SLC26A3: variants seen among roughly 807,000 people sequenced by gnomAD.
SLC26A3 encodes chloride anion exchanger.
A neutral mutation model predicts 85.6 loss-of-function variants in SLC26A3; 64 were observed. The observed-to-expected ratio is 0.75, with a 90% confidence interval of 0.61 to 0.92. The LOEUF (loss-of-function observed/expected upper bound fraction) is 0.92, where lower values mean the gene tolerates loss of function less well. Among genes scored for constraint, SLC26A3 ranks in the 40% least tolerant of loss-of-function variants. The pLI is 0.00. For synonymous variants in SLC26A3, 349 were observed against 336.0 expected, an observed-to-expected ratio of 1.04 and a Z score of -0.42; for missense variants, 922 against 927.3, an observed-to-expected ratio of 0.99 and a Z score of 0.07.
intron 11 of SLC26A3, among the ~76,000 whole-genome samples, chr7:107,781,720 C>T (rs187371270): frequency 6.6e-6 from 1 of 152,092 alleles, no homozygotes; most frequent in East Asian, 1.9e-4. Flanking sequence ...GGCCATTGAG[C>T]TTTTTGAGAT....
chr7:107,792,723 A>C (rs1011588171), intron 3 of SLC26A3, among the ~76,000 whole-genome samples: 1 of 152,192 alleles, frequency 6.6e-6, no homozygotes, highest in Non-Finnish European at 1.5e-5. Context: ...TAAGCACCCA[A>C]TGAAAAATAC....
chr7:107,791,383 G>T (rs539539369), intron 4 of SLC26A3, 148 bp from the exon 5 acceptor site: 1 of 827,100 alleles, frequency 1.2e-6, no homozygotes, highest in Non-Finnish European at 2.0e-6. Context: ...AGGCCGAGGC[G>T]GGTGGATCAC....
chr7:107,780,530 C>A (rs762657742), intron 11 of SLC26A3, among the ~76,000 whole-genome samples: 1 of 152,150 alleles, frequency 6.6e-6, no homozygotes, highest in African/African-American at 2.4e-5. Flanking sequence ...TGCCCCTCAC[C>A]GTCCTGTTCC....
chr7:107,798,501 G>A (rs1794548149), intron 1 of SLC26A3, among the ~76,000 whole-genome samples: 1 of 152,068 alleles, frequency 6.6e-6, no homozygotes, highest in Non-Finnish European at 1.5e-5. Flanking sequence ...TATCTATTCT[G>A]TGTTTTAGTC....
rs121913030 is a variant in SLC26A3 at position 107,791,841 on chromosome 7, T to A, written c.371A>T (p.His124Leu). 6.2e-7 allele frequency: 1 copy of A among 1,605,822 alleles called. No individual in the cohort carries two copies. The highest frequency in any genetic ancestry group is 8.5e-7 in the Non-Finnish European group (1 of 1,172,570). Residue 124 changes from histidine (H) to leucine (L), a missense_variant, in exon 4 of 21, where the codon CAC becomes CTC. Coordinates refer to ENST00000340010, the MANE Select transcript of SLC26A3 (RefSeq NM_000111.3). ...AGTAACTGACTTACCCACGGATATG[T>A]GTCTGGAAGTGCCGAAGAAAAGGTA... Reference protein sequence around the residue: ...IIYLFFGTSRHISVGPFPILS... With the variant: ...IIYLFFGTSRLISVGPFPILS...
rs1794112931 is a variant in SLC26A3, at chr7:107,776,252, G to C, written c.1677+200C>G. ...TCTTCTATATTAGATGTCATCTGAA[G>C]AGGCTTATTTCCCAACCTATTAACA... On this transcript the variant is annotated intron_variant, in intron 15 of 20. Coordinates refer to ENST00000340010, the MANE Select transcript of SLC26A3 (RefSeq NM_000111.3). 3.3e-6 allele frequency: 2 copies of C among 610,802 alleles called. 1 individual carries two copies. The highest frequency in any genetic ancestry group is 3.9e-5 in the South Asian group (2 of 51,244). The allele number at this position is 610,802 out of a possible 1,614,324, so 37.8% of individuals were successfully genotyped here.
chr7:107,783,449 G>T, intron 8 of SLC26A3, 97 bp from the exon 9 acceptor site: 3 of 1,411,868 alleles, frequency 2.1e-6, no homozygotes, highest in Middle Eastern at 1.8e-4. Context: ...TCTAGGCTGA[G>T]TTGTGTCTCA....
intron 3 of SLC26A3, 136 bp downstream of exon 3, chr7:107,793,606 G>C (rs975265483): frequency 8.9e-6 from 6 of 673,972 alleles, no homozygotes; most frequent in Non-Finnish European, 1.5e-5. Context: ...TTAGGGGTTG[G>C]TGGTGGTGAA....
intron 17 of SLC26A3, among the ~76,000 whole-genome samples, chr7:107,773,631 A>G (rs546604380): frequency 7.2e-5 from 11 of 152,294 alleles, no homozygotes; most frequent in Admixed American, 3.3e-4. Flanking sequence ...GCTCACTGCA[A>G]TTGCCACCTC....
At chr7:107,778,538 C>T (rs1794166382) in intron 12 of SLC26A3, among the ~76,000 whole-genome samples, 1 of 151,992 alleles carries the variant, frequency 6.6e-6, no homozygotes. Flanking sequence ...CACAAAAACA[C>T]ACACAAATAT....
chr7:107,777,745 G>A (rs766164551), intron 13 of SLC26A3, among the ~76,000 whole-genome samples: 4 of 152,124 alleles, frequency 2.6e-5, no homozygotes, highest in African/African-American at 7.2e-5. Flanking sequence ...TTAAAGGTAC[G>A]AGGGCAATCT....
In SLC26A3 at chr7:107,798,125, A is replaced by T. The variant is rs80097180; in HGVS notation, c.-88-3528T>A. 5.4e-3 allele frequency among the ~76,000 whole-genome samples: 814 copies of T among 151,396 alleles called. 4 individuals are homozygous for T. Among genetic ancestry groups the T allele is most frequent in the African/African-American group, 0.018 (747 of 41,272 alleles). ...GCTTCCCTACGACGTGCTTTTTATT[A>T]TTTTTTTGGCCTTTATGATATATAT... On this transcript the variant is annotated intron_variant, in intron 1 of 20. Transcript: ENST00000340010.
intron 18 of SLC26A3, 76 bp downstream of exon 18, chr7:107,771,978 G>C: frequency 1.1e-6 from 1 of 948,886 alleles, no homozygotes; most frequent in South Asian, 1.3e-5. Flanking sequence ...ATTCTTTGGA[G>C]AGGCTGTCTA....
Position 107,779,717 on chromosome 7 carries a change from A to G in SLC26A3, c.1358T>C (p.Met453Thr). 1.9e-6 allele frequency: 3 copies of G among 1,614,110 alleles called. No homozygotes were observed. The highest frequency in any genetic ancestry group is 2.5e-6 in the Non-Finnish European group (3 of 1,179,982). The change falls in exon 12 of 21, where the codon ATG becomes ACG. Residue 453 changes from methionine to threonine, a missense_variant. Coordinates refer to ENST00000340010, the MANE Select transcript of SLC26A3 (RefSeq NM_000111.3). ...CAATCTGCCTATTTCAGCAAACTGCATCAGCATTCCCTTTAAGTTTCCCAA... is the reference window on the plus strand; with the variant it reads ...CAATCTGCCTATTTCAGCAAACTGCGTCAGCATTCCCTTTAAGTTTCCCAA... Reference protein sequence around the residue: ...LALGNLKGMLMQFAEIGRLWR... With the variant: ...LALGNLKGMLTQFAEIGRLWR...
At chr7:107,787,263 G>T in intron 7 of SLC26A3, 94 bp downstream of exon 7, 1 of 1,281,026 alleles carries the variant, frequency 7.8e-7, no homozygotes, top group Non-Finnish European at 1.1e-6. Flanking sequence ...GATGGCCTCT[G>T]CCCCACTAAA....
chr7:107,796,078 G>T (rs1219836224), intron 1 of SLC26A3, among the ~76,000 whole-genome samples: 2 of 150,248 alleles, frequency 1.3e-5, no homozygotes, highest in Admixed American at 6.7e-5. Flanking sequence ...GTTCCTTTGA[G>T]CTCAGTTATG....
At chr7:107,796,994 G>A (rs778064896) in intron 1 of SLC26A3, among the ~76,000 whole-genome samples, 4 of 151,746 alleles carry the variant, frequency 2.6e-5, no homozygotes, top group African/African-American at 7.3e-5. Context: ...TTTTTTTGCC[G>A]ATGACAGTGA....
intron 17 of SLC26A3, among the ~76,000 whole-genome samples, chr7:107,773,644 A>T (rs1013268984): frequency 2.0e-5 from 3 of 152,168 alleles, no homozygotes; most frequent in Non-Finnish European, 2.9e-5. Context: ...GCCACCTCCC[A>T]GGTTCAAGCT....
chr7:107,787,421 A>G lies in SLC26A3; in HGVS notation c.824T>C (p.Val275Ala), dbSNP rs142128989. The change falls in exon 7 of 21, where the codon GTT becomes GCT. Residue 275 changes from valine (V) to alanine (A), a missense_variant. Val to Ala is a moderately conservative substitution (Grantham distance 64). Transcript: ENST00000340010. Reference sequence around the variant, plus strand: ...TTTGAAGCGCTGATTTATTTCTTTAACAATGGATACAACCAAAAGGACAAT... The same window carrying G: ...TTTGAAGCGCTGATTTATTTCTTTAGCAATGGATACAACCAAAAGGACAAT... The part of the protein sequence containing the change: ...ALIVLLVVSI[V>A]KEINQRFKDK... 242 of 1,613,936 alleles carry G rather than the reference A, an allele frequency of 1.5e-4. No homozygotes were observed. The highest frequency in any genetic ancestry group is 1.9e-4 in the Non-Finnish European group (223 of 1,179,940).
Sources: allele counts gnomAD v4.1 joint callset (sites outside exome capture counted in the v4.1 genomes callset), GRCh38; gene constraint gnomAD v4.1.1; transcripts MANE v1.5; gene names NCBI Gene and HGNC (gene_info 2026-07-23, HGNC 2026-07-21).